NFATC2: variants seen among roughly 807,000 people sequenced by gnomAD.
NFATC2 encodes nuclear factor of activated T cells 2.
NFATC2 carries 22 observed loss-of-function variants against 87.3 expected under a neutral mutation model. The ratio of observed to expected loss-of-function variants is 0.25; its 90% CI spans 0.18 to 0.36. The LOEUF is 0.36. Ranked by LOEUF, NFATC2 falls within the 10% of genes least tolerant of loss-of-function variation. The pLI, the probability that NFATC2 is intolerant of heterozygous loss-of-function variation, is 1.00. For synonymous variants in NFATC2, 565 were observed against 542.2 expected, an observed-to-expected ratio of 1.04 and a Z score of -0.58; for missense variants, 1,149 against 1,259.1, an observed-to-expected ratio of 0.91 and a Z score of 1.32.
At chr20:51,478,071 C>A (rs533140172) in intron 3 of NFATC2, among the ~76,000 whole-genome samples, 11 of 152,210 alleles carry the variant, frequency 7.2e-5, no homozygotes, top group African/African-American at 2.6e-4. Flanking sequence ...CTTCTAAAAG[C>A]CATACAAAGA....
In NFATC2 at chr20:51,391,202, CGAAAA is replaced by C. The variant is rs1568914562; in HGVS notation, c.*289_*293del. Reference sequence around the variant, plus strand: ...GCTCTCTGGGATTTAAAACATAAACCGAAAAGAAGAGTTCTCTCTGGTGTTTAGAG... The same window carrying C: ...GCTCTCTGGGATTTAAAACATAAACCGAAGAGTTCTCTCTGGTGTTTAGAG... On this transcript the variant is annotated 3_prime_UTR_variant, in exon 11 of 11. Transcript: ENST00000371564. 9.9e-6 allele frequency: 7 copies of C among 704,252 alleles called. No homozygotes were observed. The highest frequency in any genetic ancestry group is 8.9e-5 in the South Asian group (6 of 67,572). The allele number at this position is 704,252 out of a possible 1,614,324, so 43.6% of individuals were successfully genotyped here. A position where few individuals can be genotyped will look rare whatever the true frequency, so the allele number is the denominator to read the frequency against.
chr20:51,519,281 T>A (rs950048569), intron 2 of NFATC2, among the ~76,000 whole-genome samples: 3 of 152,122 alleles, frequency 2.0e-5, no homozygotes, highest in Non-Finnish European at 4.4e-5. Context: ...TCCCCAGGTA[T>A]CAATTTATAC....
intron 3 of NFATC2, 121 bp from the exon 4 acceptor site, chr20:51,475,781 G>A: frequency 1.1e-6 from 1 of 944,812 alleles, no homozygotes; most frequent in Non-Finnish European, 1.6e-6. Flanking sequence ...GCAGCATCTG[G>A]AAGAATGGAG....
chr20:51,482,336 A>G (rs1989331338), intron 3 of NFATC2, among the ~76,000 whole-genome samples: 2 of 150,036 alleles, frequency 1.3e-5, no homozygotes, highest in Non-Finnish European at 3.0e-5. Flanking sequence ...AAAGATAAAA[A>G]GGCATCAATA....
intron 3 of NFATC2, among the ~76,000 whole-genome samples, chr20:51,512,394 T>C (rs562830060): frequency 2.7e-4 from 41 of 152,218 alleles, no homozygotes; most frequent in African/African-American, 8.9e-4. Context: ...CCTAGTCCAC[T>C]TTCCCGCAGC....
At chr20:51,449,353 T>C (rs573030778) in intron 6 of NFATC2, among the ~76,000 whole-genome samples, 1 of 152,186 alleles carries the variant, frequency 6.6e-6, no homozygotes, top group Admixed American at 6.5e-5. Flanking sequence ...GAGCCCCCTC[T>C]CTGCAGAGAG....
At chr20:51,476,567 C>T (rs1304515576) in intron 3 of NFATC2, among the ~76,000 whole-genome samples, 1 of 152,256 alleles carries the variant, frequency 6.6e-6, no homozygotes, top group East Asian at 1.9e-4. Context: ...ACACACTATA[C>T]ATTTTCTTGA....
chr20:51,438,736 C>A (rs1265149832), intron 6 of NFATC2, among the ~76,000 whole-genome samples: 2 of 152,172 alleles, frequency 1.3e-5, no homozygotes, highest in Non-Finnish European at 2.9e-5. Context: ...GCATGGCAGA[C>A]AAAACTCTAC....
At chr20:51,530,400 C>T (rs918326927) in intron 1 of NFATC2, among the ~76,000 whole-genome samples, 1 of 152,142 alleles carries the variant, frequency 6.6e-6, no homozygotes, top group Admixed American at 6.5e-5. Flanking sequence ...AACTCCTGAC[C>T]TCAAGTGATC....
At chr20:51,442,703 GTTTGTTT>G (rs1984517541) in intron 6 of NFATC2, among the ~76,000 whole-genome samples, 1 of 106,970 alleles carries the variant, frequency 9.3e-6, no homozygotes, top group Admixed American at 9.6e-5. Flanking sequence ...TTTAAATAAA[GTTTGTTT>G]TTTTTTTTTT....
chr20:51,400,325 G>A (rs1987873033), intron 9 of NFATC2, among the ~76,000 whole-genome samples: 1 of 152,150 alleles, frequency 6.6e-6, no homozygotes. Context: ...TCAGGCACAG[G>A]TCTGAAGTCA....
intron 9 of NFATC2, among the ~76,000 whole-genome samples, chr20:51,415,726 T>C (rs903259607): frequency 2.6e-5 from 4 of 152,212 alleles, no homozygotes; most frequent in Admixed American, 6.5e-5. Context: ...GTTCTACCCA[T>C]GCAGATGCCC....
chr20:51,525,392 C>T (rs1033319424), intron 1 of NFATC2, among the ~76,000 whole-genome samples: 1 of 152,110 alleles, frequency 6.6e-6, no homozygotes, highest in South Asian at 2.1e-4. Flanking sequence ...AAGGACACTG[C>T]CACCCATCAC....
chr20:51,399,898 C>T (rs533194584), intron 9 of NFATC2, among the ~76,000 whole-genome samples: 1 of 152,204 alleles, frequency 6.6e-6, no homozygotes. Flanking sequence ...ATGTTTTTAA[C>T]CCAGACCATC....
intron 3 of NFATC2, among the ~76,000 whole-genome samples, chr20:51,492,440 C>A (rs1273849471): frequency 6.6e-6 from 1 of 152,244 alleles, no homozygotes; most frequent in Non-Finnish European, 1.5e-5. Context: ...TAAACGTCAT[C>A]CGTCATCCTT....
At chr20:51,449,081 C>T (rs1233186044) in intron 6 of NFATC2, among the ~76,000 whole-genome samples, 2 of 152,138 alleles carry the variant, frequency 1.3e-5, no homozygotes, top group African/African-American at 4.8e-5. Context: ...GTGCCGATGA[C>T]CAAACTCGGG....
At chr20:51,444,856 A>G (rs1006945128) in intron 6 of NFATC2, among the ~76,000 whole-genome samples, 1 of 151,880 alleles carries the variant, frequency 6.6e-6, no homozygotes, top group African/African-American at 2.4e-5. Flanking sequence ...TGGCCCCCCC[A>G]GCTTAGGATT....
At chr20:51,440,673 C>T (rs1319847295) in intron 6 of NFATC2, among the ~76,000 whole-genome samples, 1 of 152,186 alleles carries the variant, frequency 6.6e-6, no homozygotes, top group East Asian at 1.9e-4. Context: ...CCAAGGGCAG[C>T]CAAGGAATCT....
intron 3 of NFATC2, among the ~76,000 whole-genome samples, chr20:51,502,659 T>C (rs1451980323): frequency 1.3e-5 from 2 of 151,994 alleles, no homozygotes; most frequent in Admixed American, 6.6e-5. Flanking sequence ...TTCTGATGGA[T>C]AGAGGAAGGA....
Sources: allele counts gnomAD v4.1 joint callset (sites outside exome capture counted in the v4.1 genomes callset), GRCh38; gene constraint gnomAD v4.1.1; transcripts MANE v1.5; gene names NCBI Gene and HGNC (gene_info 2026-07-23, HGNC 2026-07-21).